Variants in TRAPPC3L observed in about 807,000 individuals in gnomAD.
The protein encoded by TRAPPC3L is trafficking protein particle complex subunit 3-like protein.
In TRAPPC3L, 23 loss-of-function variants were observed where a neutral mutation model predicts 23.7. The ratio of observed to expected loss-of-function variants is 0.97; its 90% CI spans 0.70 to 1.37. The LOEUF (loss-of-function observed/expected upper bound fraction) is 1.37, where lower values mean the gene tolerates loss of function less well. Ranked by LOEUF, TRAPPC3L falls within the 40% of genes most tolerant of loss-of-function variation. The pLI is 0.00. For missense variants in TRAPPC3L, 212 were observed against 216.8 expected (o/e 0.98, Z 0.14); for synonymous variants, 81 against 77.9 (o/e 1.04, Z -0.21).
chr6:116,508,247 C>T (rs1382604850), intron 3 of TRAPPC3L, among the ~76,000 whole-genome samples: 1 of 152,142 alleles, frequency 6.6e-6, no homozygotes, highest in Admixed American at 6.6e-5. Context: ...AGTTCAATAG[C>T]CATTTGCAAG....
At chr6:116,500,726 C>G in intron 3 of TRAPPC3L, 60 bp from the exon 4 acceptor site, 1 of 1,428,596 alleles carries the variant, frequency 7.0e-7, no homozygotes, top group Non-Finnish European at 9.6e-7. Flanking sequence ...TATGAGCAGA[C>G]TAAACAAATA....
chr6:116,513,056 T>C (rs1772155207), intron 3 of TRAPPC3L, among the ~76,000 whole-genome samples: 1 of 152,150 alleles, frequency 6.6e-6, no homozygotes, highest in South Asian at 2.1e-4. Flanking sequence ...TAACTTCCCA[T>C]TTATAGGTAG....
chr6:116,500,645 C>G lies in TRAPPC3L; in HGVS notation c.262G>C (p.Gly88Arg). The change falls in exon 4 of 5, where the codon GGA becomes CGA. Residue 88 changes from glycine to arginine, a missense_variant. Physicochemically the swap from Gly to Arg is moderately radical, Grantham distance 125 (BLOSUM62 -2). Coordinates refer to ENST00000368602, the MANE Select transcript of TRAPPC3L (RefSeq NM_001139444.3). ...TTACAGGTCACACTTGGTGTAATTCCCAGGTACATCTTGAAAGCAACCTGA... is the reference window on the plus strand; with the variant it reads ...TTACAGGTCACACTTGGTGTAATTCGCAGGTACATCTTGAAAGCAACCTGA... ...IAQVAFKMYL[G>R]ITPSVTCNNS... 6.4e-7 allele frequency: 1 copy of G among 1,551,270 alleles called. No homozygotes were observed. The highest frequency in any genetic ancestry group is 8.7e-7 in the Non-Finnish European group (1 of 1,146,884).
chr6:116,513,554 G>T (rs974908576), intron 3 of TRAPPC3L, among the ~76,000 whole-genome samples: 1 of 152,174 alleles, frequency 6.6e-6, no homozygotes, highest in African/African-American at 2.4e-5. Flanking sequence ...TCATGTCATA[G>T]CTTAGGCTGA....
At chr6:116,536,347 A>G (rs1773092429) in intron 3 of TRAPPC3L, among the ~76,000 whole-genome samples, 1 of 152,152 alleles carries the variant, frequency 6.6e-6, no homozygotes, top group South Asian at 2.1e-4. Context: ...TAAGTCTACT[A>G]CTTGTTAAAA....
At chr6:116,534,574 C>T (rs563551827) in intron 3 of TRAPPC3L, among the ~76,000 whole-genome samples, 1 of 152,212 alleles carries the variant, frequency 6.6e-6, no homozygotes, top group Admixed American at 6.5e-5. Flanking sequence ...AAAAAAATTC[C>T]CCCTGCTATT....
intron 3 of TRAPPC3L, among the ~76,000 whole-genome samples, chr6:116,514,690 A>G (rs1344391021): frequency 2.6e-5 from 4 of 152,014 alleles, no homozygotes; most frequent in Admixed American, 1.3e-4. Context: ...CTTCACAAAC[A>G]CTCTATATCT....
intron 4 of TRAPPC3L, among the ~76,000 whole-genome samples, chr6:116,498,459 A>G (rs543331736): frequency 6.6e-6 from 1 of 152,230 alleles, no homozygotes; most frequent in South Asian, 2.1e-4. Context: ...TATCACAAAT[A>G]ATTTAAAATT....
At chr6:116,543,278 A>C in intron 2 of TRAPPC3L, 25 bp downstream of exon 2, 1 of 1,504,254 alleles carries the variant, frequency 6.6e-7, no homozygotes, top group Non-Finnish European at 9.0e-7. Context: ...CAGCCATTCA[A>C]TAAGAATGAA....
chr6:116,515,736 T>C, intron 3 of TRAPPC3L: 1 of 1,614,014 alleles, frequency 6.2e-7, no homozygotes, highest in Non-Finnish European at 8.5e-7. Context: ...AAGGAGCAGT[T>C]GGAAAATACA....
chr6:116,529,173 C>T (rs748664351), intron 3 of TRAPPC3L: 1 of 152,178 alleles, frequency 6.6e-6, no homozygotes, highest in Admixed American at 6.5e-5. Flanking sequence ...TTGCTGCAAC[C>T]CTTCAGCTCT....
chr6:116,502,317 A>T (rs1181625702), intron 3 of TRAPPC3L, among the ~76,000 whole-genome samples: 1 of 152,210 alleles, frequency 6.6e-6, no homozygotes, highest in African/African-American at 2.4e-5. Context: ...AGAAGGCAAG[A>T]TTAGAGAAAA....
chr6:116,526,450 G>T (rs1283402854), intron 3 of TRAPPC3L, among the ~76,000 whole-genome samples: 1 of 152,126 alleles, frequency 6.6e-6, no homozygotes, highest in Admixed American at 6.5e-5. Flanking sequence ...GGCCAATTAG[G>T]ATCACTTGGA....
At chr6:116,504,734 A>C (rs899864175) in intron 3 of TRAPPC3L, among the ~76,000 whole-genome samples, 1 of 152,238 alleles carries the variant, frequency 6.6e-6, no homozygotes, top group Non-Finnish European at 1.5e-5. Context: ...AACATATGCA[A>C]TCCATCACAT....
At chr6:116,510,065 C>T (rs2115162561) in intron 3 of TRAPPC3L, among the ~76,000 whole-genome samples, 1 of 152,140 alleles carries the variant, frequency 6.6e-6, no homozygotes, top group African/African-American at 2.4e-5. Flanking sequence ...GGACAACAAA[C>T]ATATGAAAAA....
intron 3 of TRAPPC3L, among the ~76,000 whole-genome samples, chr6:116,512,944 A>C (rs938475619): frequency 2.6e-5 from 4 of 152,218 alleles, no homozygotes; most frequent in Non-Finnish European, 5.9e-5. Flanking sequence ...TGTTTTATTT[A>C]ACAGAAGGAA....
At chr6:116,531,482 C>T (rs73769120) in intron 3 of TRAPPC3L, among the ~76,000 whole-genome samples, 6,998 of 152,138 alleles carry the variant, frequency 0.046, 448 homozygotes, top group African/African-American at 0.15. Context: ...TAGAGAACCA[C>T]AAAGACTTGC....
chr6:116,498,162 G>A (rs1251793257), intron 4 of TRAPPC3L, among the ~76,000 whole-genome samples: 1 of 152,166 alleles, frequency 6.6e-6, no homozygotes, highest in Non-Finnish European at 1.5e-5. Context: ...TTGGATATTT[G>A]GGGACACATG....
At chr6:116,515,508 G>T in intron 3 of TRAPPC3L, 1 of 1,301,440 alleles carries the variant, frequency 7.7e-7, no homozygotes, top group Non-Finnish European at 1.1e-6. Context: ...AAAGACTGTG[G>T]TAATAATTTA....
Sources: gnomAD v4.1 joint callset for allele counts (sites outside exome capture counted in the v4.1 genomes callset) on GRCh38, gnomAD v4.1.1 for gene constraint, MANE v1.5 for transcripts, NCBI Gene and HGNC (gene_info 2026-07-23, HGNC 2026-07-21) for gene names.